SPAM1: variants seen among roughly 807,000 people sequenced by gnomAD.
SPAM1 encodes sperm adhesion molecule 1.
SPAM1 carries 22 observed loss-of-function variants against 29.6 expected under a neutral mutation model. The ratio of observed to expected loss-of-function variants is 0.74; its 90% CI spans 0.53 to 1.06. The LOEUF (loss-of-function observed/expected upper bound fraction) is 1.06. Ranked by LOEUF, SPAM1 falls within the 50% of genes least tolerant of loss-of-function variation. The probability of loss-of-function intolerance (pLI) is 0.00; values close to 1 mark genes in which losing one functional copy is unlikely to be tolerated. For synonymous variants in SPAM1, 194 were observed against 204.6 expected (o/e 0.95, Z 0.44); for missense variants, 534 against 604.0 (o/e 0.88, Z 1.21).
intron 1 of SPAM1, chr7:123,925,902 A>T (rs1427596856): frequency 1.3e-5 from 2 of 152,220 alleles, no homozygotes; most frequent in Non-Finnish European, 2.9e-5. Context: ...CTAATGTAAG[A>T]ATACTGAATT....
At chr7:123,950,481 TG>T (rs1808724419) in intron 2 of SPAM1, among the ~76,000 whole-genome samples, 1 of 152,076 alleles carries the variant, frequency 6.6e-6, no homozygotes, top group Non-Finnish European at 1.5e-5. Context: ...GAGTACTCAT[TG>T]TTTAGTTCTC....
In SPAM1 at chr7:123,929,400, G is replaced by A. The variant is rs143111799; in HGVS notation, c.-319+4048G>A. On this transcript the variant is annotated intron_variant, in intron 1 of 4. Transcript: ENST00000682466. ...ACCTGGGAGAGGTAGTTGTTCCTAG[G>A]GGGTTGTCTGGCTTGTCTGGTAACT... 3.9e-3 allele frequency among the ~76,000 whole-genome samples: 592 copies of A among 152,162 alleles called. 11 individuals carry two copies. Among genetic ancestry groups the A allele is most frequent in the Admixed American group, 0.027 (417 of 15,272 alleles).
Position 123,937,470 on chromosome 7 carries a change from G to A in SPAM1, c.-319+12118G>A, listed in dbSNP as rs374509242. On this transcript the variant is annotated intron_variant, in intron 1 of 4. Coordinates refer to ENST00000682466, the MANE Select transcript of SPAM1 (RefSeq NM_153189.3). ...CAAAAAATTAGCCGGGCATGGTGGCGGGCGCCTGTAGTCCCAGCTACTCGG... is the reference window on the plus strand; with the variant it reads ...CAAAAAATTAGCCGGGCATGGTGGCAGGCGCCTGTAGTCCCAGCTACTCGG... 8.7e-3 allele frequency among the ~76,000 whole-genome samples: 1,325 copies of A among 151,874 alleles called. 20 individuals carry two copies. Among genetic ancestry groups the A allele is most frequent in the East Asian group, 0.012 (60 of 5,150 alleles).
At position 123,953,563 on chromosome 7, in the gene SPAM1, T is replaced by C. The variant is rs192623871; in HGVS notation, c.-8T>C. On this transcript the variant is annotated 5_prime_UTR_variant, in exon 3 of 5. Coordinates refer to ENST00000682466, the MANE Select transcript of SPAM1 (RefSeq NM_153189.3). ...AAATAAATGTTTTCATAGTCATTAC[T>C]CTTTACAATGGGAGTGCTAAAATTC... 3.2e-6 allele frequency: 5 copies of C among 1,553,032 alleles called. No homozygotes were observed. The Admixed American group carries it at 7.5e-5, about 23-fold the overall frequency.
intron 2 of SPAM1, among the ~76,000 whole-genome samples, chr7:123,952,920 G>GA (rs1037637111): frequency 6.7e-6 from 1 of 149,672 alleles, no homozygotes. Context: ...TGAAAAAAGA[G>GA]AAAAAAAGAA....
At chr7:123,928,365 A>T (rs928442968) in intron 1 of SPAM1, among the ~76,000 whole-genome samples, 12 of 152,164 alleles carry the variant, frequency 7.9e-5, no homozygotes, top group Non-Finnish European at 1.2e-4. Context: ...GGAAGGTAGG[A>T]AGCTTGAGGT....
intron 1 of SPAM1, among the ~76,000 whole-genome samples, chr7:123,943,591 CA>C (rs1332474876): frequency 3.3e-5 from 5 of 152,066 alleles, no homozygotes; most frequent in Non-Finnish European, 5.9e-5. Context: ...TCATATTTGA[CA>C]ATACTTCCTG....
chr7:123,953,370 GGT>G lies in SPAM1; in HGVS notation c.-199_-198del. ...ATTCTGTATTTCTTTTTCAGTTATA[GGT>G]GATGCAACTTGAAAAACAATCCTGA... On this transcript the variant is annotated 5_prime_UTR_variant, in exon 3 of 5. Transcript: ENST00000682466. The G allele has an allele frequency of 2.1e-6, 1 of 466,192 alleles. No individual in the cohort carries two copies. The highest frequency in any genetic ancestry group is 3.7e-6 in the Non-Finnish European group (1 of 267,990). The allele number at this position is 466,192 out of a possible 1,614,324, so 28.9% of individuals were successfully genotyped here.
intron 4 of SPAM1, 123 bp downstream of exon 4, chr7:123,955,209 T>C (rs1792223490): frequency 9.3e-6 from 6 of 646,198 alleles, no homozygotes; most frequent in Non-Finnish European, 1.7e-5. Flanking sequence ...AGGTGCTCAA[T>C]TAATACTGGC....
At chr7:123,964,889 T>C (rs941473432), downstream of SPAM1, among the ~76,000 whole-genome samples, 2 of 152,010 alleles carry the variant, frequency 1.3e-5, no homozygotes, top group African/African-American at 4.8e-5. Context: ...AATCCTTGAA[T>C]AGTTAGAGTT....
At chr7:123,926,109 T>C (rs916740723) in intron 1 of SPAM1, 2 of 152,216 alleles carry the variant, frequency 1.3e-5, no homozygotes, top group East Asian at 3.8e-4. Flanking sequence ...CCTAAGCAGA[T>C]AGCTAGAGAT....
intron 1 of SPAM1, among the ~76,000 whole-genome samples, chr7:123,934,949 G>C (rs1563022009): frequency 6.6e-6 from 1 of 152,072 alleles, no homozygotes; most frequent in Non-Finnish European, 1.5e-5. Flanking sequence ...TGTGACTATA[G>C]TTAACAATAA....
intron 1 of SPAM1, among the ~76,000 whole-genome samples, chr7:123,943,837 TGA>T (rs1213267905): frequency 6.6e-6 from 1 of 152,156 alleles, no homozygotes; most frequent in Non-Finnish European, 1.5e-5. Context: ...CCTTTATCTT[TGA>T]GAGAGGAGAC....
chr7:123,946,375 C>T (rs1174465502), intron 1 of SPAM1, among the ~76,000 whole-genome samples: 2 of 152,140 alleles, frequency 1.3e-5, no homozygotes, highest in Non-Finnish European at 2.9e-5. Context: ...CAAGCTGGTA[C>T]CAAGCCCAGT....
intron 1 of SPAM1, among the ~76,000 whole-genome samples, chr7:123,937,375 G>T (rs1016957098): frequency 1.3e-5 from 2 of 152,098 alleles, no homozygotes; most frequent in Admixed American, 1.3e-4. Context: ...GCCAAGGCGG[G>T]CGGATCACAA....
chr7:123,968,569 A>G (rs1792458764), intron 5 of SPAM1, among the ~76,000 whole-genome samples: 1 of 151,950 alleles, frequency 6.6e-6, no homozygotes, highest in African/African-American at 2.4e-5. Flanking sequence ...AGCATGTTGT[A>G]TTTGAGGTGC....
chr7:123,963,049 G>A (rs1038036990), downstream of SPAM1, among the ~76,000 whole-genome samples: 11 of 151,784 alleles, frequency 7.2e-5, no homozygotes, highest in African/African-American at 2.4e-4. Context: ...CTTTTTTCTC[G>A]ACCAAAAATT....
At chr7:123,931,518 T>C (rs553615159) in intron 1 of SPAM1, among the ~76,000 whole-genome samples, 1 of 152,330 alleles carries the variant, frequency 6.6e-6, no homozygotes, top group South Asian at 2.1e-4. Flanking sequence ...CCTCAGGCTA[T>C]TAGCATTAGA....
intron 1 of SPAM1, among the ~76,000 whole-genome samples, chr7:123,937,875 GA>G (rs1297401473): frequency 6.6e-6 from 1 of 152,080 alleles, no homozygotes; most frequent in Non-Finnish European, 1.5e-5. Context: ...AGTAAGGATA[GA>G]AAGTAAAAGG....
Sources: gnomAD v4.1 joint callset for allele counts (sites outside exome capture counted in the v4.1 genomes callset) on GRCh38, gnomAD v4.1.1 for gene constraint, MANE v1.5 for transcripts, NCBI Gene and HGNC (gene_info 2026-07-23, HGNC 2026-07-21) for gene names.